The following ASCC3 variants were observed in gnomAD, a reference collection of about 807,000 sequenced individuals.
ASCC3 encodes activating signal cointegrator 1 complex subunit 3, also known as ASC-1 complex subunit P200.
Under a neutral mutation model 256.3 loss-of-function variants are expected in ASCC3, and 158 were observed. That is an observed-to-expected ratio of 0.62 (90% CI 0.54 to 0.70). The LOEUF (loss-of-function observed/expected upper bound fraction) is 0.70. Among genes scored for constraint, ASCC3 ranks in the 30% least tolerant of loss-of-function variants. The pLI is 0.00. For missense variants in ASCC3, 2,259 were observed against 2,626.0 expected (o/e 0.86, Z 3.05); for synonymous variants, 948 against 883.4 (o/e 1.07, Z -1.30).
At position 100,767,355 on chromosome 6, in the gene ASCC3, A is replaced by G; in HGVS notation, c.1396-10T>C. 6.2e-7 allele frequency: 1 copy of G among 1,608,918 alleles called. No homozygotes were observed. The highest frequency in any genetic ancestry group is 8.5e-7 in the Non-Finnish European group (1 of 1,176,004). ...AAGCCAGCTGTCCGATCTAAAAAAAAAAGGCATCACCCATTATAAATAGTA... is the reference window on the plus strand; with the variant it reads ...AAGCCAGCTGTCCGATCTAAAAAAAGAAGGCATCACCCATTATAAATAGTA... On this transcript the variant is annotated splice_polypyrimidine_tract_variant and intron_variant, in intron 8 of 41. Coordinates refer to ENST00000369162, the MANE Select transcript of ASCC3 (RefSeq NM_006828.4).
Position 100,576,764 on chromosome 6 carries a change from C to T in ASCC3, c.5550+12870G>A, listed in dbSNP as rs554052658. On this transcript the variant is annotated intron_variant, in intron 36 of 41. Coordinates refer to ENST00000369162, the MANE Select transcript of ASCC3 (RefSeq NM_006828.4). Reference sequence around the variant, plus strand: ...AAGGAGATTAGTGAAGAGAAAGTTTCGATAGAATCTTTGCTTTCCACCCAG... The same window carrying T: ...AAGGAGATTAGTGAAGAGAAAGTTTTGATAGAATCTTTGCTTTCCACCCAG... Among the ~76,000 whole-genome samples, 8 of 151,796 alleles carry T rather than the reference C, an allele frequency of 5.3e-5. No individual in the cohort carries two copies. The South Asian group carries it at 1.0e-3, about 20-fold the overall frequency.
chr6:100,825,010 T>C (rs188987404), intron 4 of ASCC3, among the ~76,000 whole-genome samples: 1 of 152,308 alleles, frequency 6.6e-6, no homozygotes, highest in Non-Finnish European at 1.5e-5. Flanking sequence ...CCATGTACCA[T>C]TCCAAAGGAT....
intron 24 of ASCC3, 54 bp from the exon 25 acceptor site, chr6:100,638,875 T>A: frequency 3.8e-6 from 5 of 1,300,480 alleles, no homozygotes; most frequent in Non-Finnish European, 4.5e-6. Context: ...CGCATAATAC[T>A]GAATACTGTA....
At chr6:100,614,545 C>T (rs935160508) in intron 30 of ASCC3, among the ~76,000 whole-genome samples, 12 of 152,090 alleles carry the variant, frequency 7.9e-5, no homozygotes, top group Non-Finnish European at 1.6e-4. Context: ...GAAGAGATGG[C>T]GCGCAGAGAT....
rs554717303 is a variant in ASCC3 at position 100,762,388 on chromosome 6, G to C, written c.1737+4177C>G. 2.3e-4 allele frequency among the ~76,000 whole-genome samples: 35 copies of C among 152,258 alleles called. No individual in the cohort carries two copies. The South Asian group carries it at 7.1e-3, about 31-fold the overall frequency. ...ATGTTCAAAGGAACACTGCTCAATG[G>C]AACCACTGAAAAGTACAGTGAACAT... On this transcript the variant is annotated intron_variant, in intron 10 of 41. Coordinates refer to ENST00000369162, the MANE Select transcript of ASCC3 (RefSeq NM_006828.4).
chr6:100,699,955 T>C (rs1778276114), intron 13 of ASCC3, among the ~76,000 whole-genome samples: 1 of 152,070 alleles, frequency 6.6e-6, no homozygotes, highest in East Asian at 1.9e-4. Flanking sequence ...AAACAGAGCA[T>C]AAAAGTTGGG....
intron 10 of ASCC3, among the ~76,000 whole-genome samples, chr6:100,732,524 C>A (rs1779949764): frequency 6.6e-6 from 1 of 152,106 alleles, no homozygotes; most frequent in Non-Finnish European, 1.5e-5. Flanking sequence ...TTATTTAAAT[C>A]ATTTCTCTTT....
At chr6:100,681,739 A>G (rs1041441612) in intron 13 of ASCC3, among the ~76,000 whole-genome samples, 1 of 151,064 alleles carries the variant, frequency 6.6e-6, no homozygotes, top group African/African-American at 2.4e-5. Context: ...AAAAAAAAAA[A>G]AAAAAAAAGA....
At chr6:100,827,881 A>T (rs1562326404) in intron 4 of ASCC3, among the ~76,000 whole-genome samples, 3 of 152,048 alleles carry the variant, frequency 2.0e-5, no homozygotes, top group Non-Finnish European at 4.4e-5. Flanking sequence ...AACAAAATGG[A>T]TTTTCACATT....
intron 8 of ASCC3, among the ~76,000 whole-genome samples, chr6:100,772,851 G>A (rs966008129): frequency 6.6e-6 from 1 of 152,156 alleles, no homozygotes; most frequent in Non-Finnish European, 1.5e-5. Flanking sequence ...CTGCAAGTAT[G>A]ACCCGCAGGT....
chr6:100,732,742 T>A (rs1779961667), intron 10 of ASCC3, among the ~76,000 whole-genome samples: 1 of 152,032 alleles, frequency 6.6e-6, no homozygotes, highest in Non-Finnish European at 1.5e-5. Context: ...CCAAACTCTC[T>A]CTCACACAAT....
chr6:100,617,300 G>A (rs1409406722), intron 30 of ASCC3, among the ~76,000 whole-genome samples: 1 of 152,022 alleles, frequency 6.6e-6, no homozygotes, highest in Non-Finnish European at 1.5e-5. Flanking sequence ...GAGCCACCGT[G>A]CCTGGCCCAG....
intron 13 of ASCC3, among the ~76,000 whole-genome samples, chr6:100,714,281 T>C (rs1778990072): frequency 6.6e-6 from 1 of 152,168 alleles, no homozygotes; most frequent in South Asian, 2.1e-4. Flanking sequence ...TTTTATTTAG[T>C]AGGATTTTTT....
intron 10 of ASCC3, among the ~76,000 whole-genome samples, chr6:100,759,647 T>C (rs936301088): frequency 6.6e-6 from 1 of 152,224 alleles, no homozygotes; most frequent in African/African-American, 2.4e-5. Context: ...AGGGTCTTCT[T>C]TGATTCCATA....
At chr6:100,605,468 A>C (rs919923577) in intron 33 of ASCC3, 100 bp downstream of exon 33, 1 of 835,852 alleles carries the variant, frequency 1.2e-6, no homozygotes, top group Non-Finnish European at 1.9e-6. Flanking sequence ...AATTCTTCTA[A>C]GCTACCTGTT....
intron 29 of ASCC3, among the ~76,000 whole-genome samples, chr6:100,626,143 TTTTG>T (rs142841157): frequency 0.05 from 7,614 of 152,010 alleles, 205 homozygotes; most frequent in African/African-American, 0.068. Context: ...AAATGAGGTT[TTTTG>T]TTTGTTTGTT....
At chr6:100,554,608 G>A (rs1026923880) in intron 36 of ASCC3, among the ~76,000 whole-genome samples, 6 of 152,050 alleles carry the variant, frequency 3.9e-5, no homozygotes, top group African/African-American at 1.4e-4. Context: ...AACATTCTGA[G>A]GCGTTAAAAC....
At chr6:100,621,713 T>C (rs1582579003) in intron 30 of ASCC3, among the ~76,000 whole-genome samples, 1 of 152,266 alleles carries the variant, frequency 6.6e-6, no homozygotes, top group Admixed American at 6.5e-5. Flanking sequence ...AGAAATATCA[T>C]CTGACCCAGA....
intron 40 of ASCC3, 65 bp from the exon 41 acceptor site, chr6:100,510,172 G>A: frequency 6.4e-7 from 1 of 1,564,766 alleles, no homozygotes; most frequent in East Asian, 2.2e-5. Context: ...CTTGGTTGTG[G>A]TTAAGGCTAC....
Sources: gnomAD v4.1 joint callset for allele counts (sites outside exome capture counted in the v4.1 genomes callset) on GRCh38, gnomAD v4.1.1 for gene constraint, MANE v1.5 for transcripts, NCBI Gene and HGNC (gene_info 2026-07-23, HGNC 2026-07-21) for gene names.